The following EXT2 variants were observed in gnomAD, a reference collection of about 807,000 sequenced individuals.
EXT2 encodes exostosin glycosyltransferase 2, also known as exostosin-2.
Under a neutral mutation model 81.6 loss-of-function variants are expected in EXT2, and 53 were observed. The observed-to-expected ratio is 0.65, with a 90% CI of 0.52 to 0.82. EXT2 has a LOEUF of 0.82. EXT2 is among the 40% of genes least tolerant of loss of function. The pLI, the probability that EXT2 is intolerant of heterozygous loss-of-function variation, is 0.00. For missense variants in EXT2, 774 were observed against 910.2 expected (o/e 0.85, Z 1.93); for synonymous variants, 320 against 340.0 (o/e 0.94, Z 0.65).
At chr11:44,128,373 A>G (rs750209199) in intron 6 of EXT2, among the ~76,000 whole-genome samples, 55 of 152,310 alleles carry the variant, frequency 3.6e-4, no homozygotes, top group Middle Eastern at 6.8e-3. Flanking sequence ...CATGCCTTAG[A>G]GAAGCGATGA....
intron 10 of EXT2, among the ~76,000 whole-genome samples, chr11:44,229,700 C>T (rs907035374): frequency 6.6e-6 from 1 of 152,184 alleles, no homozygotes; most frequent in Non-Finnish European, 1.5e-5. Flanking sequence ...ATGGATATCA[C>T]GTTATTATTC....
intron 7 of EXT2, among the ~76,000 whole-genome samples, chr11:44,148,650 C>G (rs1417486197): frequency 1.3e-5 from 2 of 152,144 alleles, no homozygotes; most frequent in Non-Finnish European, 2.9e-5. Flanking sequence ...AAATAGCGCC[C>G]AATACATAAT....
intron 8 of EXT2, 106 bp from the exon 9 acceptor site, chr11:44,197,723 C>T: frequency 8.7e-7 from 1 of 1,154,842 alleles, no homozygotes; most frequent in East Asian, 2.3e-5. Context: ...GGGATCTGTC[C>T]TGGTAAAAGC....
intron 13 of EXT2, among the ~76,000 whole-genome samples, chr11:44,242,624 C>G (rs1262255734): frequency 6.6e-6 from 1 of 151,968 alleles, no homozygotes; most frequent in Non-Finnish European, 1.5e-5. Context: ...CTACTATACA[C>G]CCAATAGTTG....
intron 12 of EXT2, among the ~76,000 whole-genome samples, chr11:44,235,645 G>A (rs1302274144): frequency 6.6e-6 from 1 of 152,146 alleles, no homozygotes; most frequent in Non-Finnish European, 1.5e-5. Context: ...CCTAGACTTA[G>A]TTATCTAGCT....
chr11:44,236,324 A>G lies in EXT2; in HGVS notation c.1967A>G (p.Glu656Gly), dbSNP rs765070808. 2 of 1,614,146 alleles carry G rather than the reference A, an allele frequency of 1.2e-6. No individual in the cohort carries two copies. The highest frequency in any genetic ancestry group is 2.7e-5 in the African/African-American group (2 of 75,042). Residue 656 changes from glutamate (E) to glycine (G), a missense_variant, in exon 13 of 14, where the codon GAG becomes GGG. Physicochemically the swap from Glu to Gly is moderately conservative, Grantham distance 98. Transcript: ENST00000533608. ...VTPRKKFKCP[E>G]CTAIDGLSLD... ...CCACGAAAGAAATTCAAGTGTCCTG[A>G]GTGCACAGCCATAGATGGGCTTTCA... is the stretch of plus-strand genomic sequence containing the variant.
rs1565201381 is a variant in EXT2 at position 44,119,192 on chromosome 11, A to AGT, written c.743+4891_743+4892insGT. Reference sequence around the variant, plus strand: ...TATACACATACACACACACACACACACATTTTTGACTGTCATGACTGTGGG... The same window carrying AGT: ...TATACACATACACACACACACACACAGTCATTTTTGACTGTCATGACTGTGGG... On this transcript the variant is annotated intron_variant, in intron 4 of 13. Transcript: ENST00000533608. Among the ~76,000 whole-genome samples, 66 of 142,734 alleles carry AGT rather than the reference A, an allele frequency of 4.6e-4. 1 individual carries two copies. In the East Asian group the frequency reaches 6.8e-3, roughly 15 times the overall value. The allele number at this position is 142,734 out of a possible 152,430, so 93.6% of individuals were successfully genotyped here.
chr11:44,181,100 CA>C (rs36013510), intron 8 of EXT2, among the ~76,000 whole-genome samples: 37,980 of 138,578 alleles, frequency 0.27, 5,704 homozygotes, highest in Admixed American at 0.44. Flanking sequence ...GACTCCGTCT[CA>C]AAAAAAAAAA....
In EXT2 at chr11:44,124,747, ACCAGCTGCAATT is replaced by A; in HGVS notation, c.744-41_744-30del. 6 of 1,583,558 alleles carry A rather than the reference ACCAGCTGCAATT, an allele frequency of 3.8e-6. No homozygotes were observed. The South Asian group carries it at 5.6e-5, about 15-fold the overall frequency. On this transcript the variant is annotated intron_variant, in intron 4 of 13. Coordinates refer to ENST00000533608, the MANE Select transcript of EXT2 (RefSeq NM_207122.2). ...AAGTTTGTCTTACCTTGACTAACAT[ACCAGCTGCAATT>A]TTCCAATCACCTGTTTTTTTCCCTT...
intron 7 of EXT2, among the ~76,000 whole-genome samples, chr11:44,167,352 A>G (rs1955009021): frequency 6.6e-6 from 1 of 152,210 alleles, no homozygotes; most frequent in African/African-American, 2.4e-5. Context: ...CAATGCAGAT[A>G]TTTCAGCAGC....
chr11:44,100,461 G>A (rs1953965551), intron 1 of EXT2, among the ~76,000 whole-genome samples: 1 of 152,200 alleles, frequency 6.6e-6, no homozygotes, highest in Non-Finnish European at 1.5e-5. Flanking sequence ...AGACTCAGGT[G>A]GAAGGAAAAG....
intron 4 of EXT2, 53 bp downstream of exon 4, chr11:44,114,354 T>C (rs1954191688): frequency 6.5e-7 from 1 of 1,528,502 alleles, no homozygotes; most frequent in Admixed American, 1.7e-5. Context: ...TGTGAGATGT[T>C]GATGAGGTTT....
At chr11:44,219,038 T>G (rs1020477663) in intron 10 of EXT2, among the ~76,000 whole-genome samples, 3 of 152,088 alleles carry the variant, frequency 2.0e-5, no homozygotes, top group African/African-American at 7.2e-5. Flanking sequence ...TGACCTCAGA[T>G]GATCTGCCCG....
intron 4 of EXT2, among the ~76,000 whole-genome samples, chr11:44,124,444 T>TACACAC (rs57261356): frequency 0.16 from 23,316 of 144,844 alleles, 1,939 homozygotes; most frequent in Middle Eastern, 0.2. Context: ...GTTTCTCTCC[T>TACACAC]ACACACACAC....
intron 7 of EXT2, among the ~76,000 whole-genome samples, chr11:44,135,662 G>A (rs1954555933): frequency 1.3e-5 from 2 of 152,140 alleles, no homozygotes; most frequent in Admixed American, 1.3e-4. Context: ...AAAGTGCTGG[G>A]ATTACAGGCA....
intron 12 of EXT2, among the ~76,000 whole-genome samples, chr11:44,235,991 C>T (rs1050967047): frequency 6.6e-6 from 1 of 152,162 alleles, no homozygotes; most frequent in Non-Finnish European, 1.5e-5. Flanking sequence ...GGTGTTTATA[C>T]AAGGACCTTG....
At chr11:44,137,920 A>C (rs1387386000) in intron 7 of EXT2, among the ~76,000 whole-genome samples, 1 of 152,204 alleles carries the variant, frequency 6.6e-6, no homozygotes, top group Non-Finnish European at 1.5e-5. Flanking sequence ...GGTTGCTGGA[A>C]AGAGAACTTT....
At chr11:44,216,106 G>C (rs1955715892) in intron 10 of EXT2, among the ~76,000 whole-genome samples, 1 of 152,044 alleles carries the variant, frequency 6.6e-6, no homozygotes, top group Non-Finnish European at 1.5e-5. Flanking sequence ...TCGATCTCCT[G>C]ACCTCATGAT....
intron 7 of EXT2, among the ~76,000 whole-genome samples, chr11:44,164,462 C>G (rs1010796253): frequency 1.3e-5 from 2 of 152,154 alleles, no homozygotes; most frequent in African/African-American, 2.4e-5. Context: ...TTCCACTATG[C>G]CACACTGGCT....
Sources: gnomAD v4.1 joint callset for allele counts (sites outside exome capture counted in the v4.1 genomes callset) on GRCh38, gnomAD v4.1.1 for gene constraint, MANE v1.5 for transcripts, NCBI Gene and HGNC (gene_info 2026-07-23, HGNC 2026-07-21) for gene names.